The following ADCY3 variants were observed in gnomAD, a reference collection of about 807,000 sequenced individuals.
ADCY3 encodes adenylate cyclase type 3.
A neutral mutation model predicts 119.4 loss-of-function variants in ADCY3; 70 were observed. The observed-to-expected ratio is 0.59, with a 90% confidence interval of 0.48 to 0.72. The LOEUF (loss-of-function observed/expected upper bound fraction) is 0.72, where lower values mean the gene tolerates loss of function less well. Ranked by LOEUF, ADCY3 falls within the 30% of genes least tolerant of loss-of-function variation. The pLI, the probability that ADCY3 is intolerant of heterozygous loss-of-function variation, is 0.00. For synonymous variants in ADCY3, 672 were observed against 621.4 expected (o/e 1.08, Z -1.21); for missense variants, 1,238 against 1,541.6 (o/e 0.80, Z 3.30).
intron 2 of ADCY3, among the ~76,000 whole-genome samples, chr2:24,889,421 C>T (rs1404152547): frequency 6.6e-6 from 1 of 152,200 alleles, no homozygotes; most frequent in Non-Finnish European, 1.5e-5. Context: ...GGGCATCACA[C>T]ACAAATATGC....
chr2:24,902,808 T>C (rs2149001155), intron 2 of ADCY3, among the ~76,000 whole-genome samples: 1 of 152,174 alleles, frequency 6.6e-6, no homozygotes. Context: ...GGTGGGTGGA[T>C]CACCTGAGGG....
Position 24,872,525 on chromosome 2 carries a change from T to C in ADCY3, c.825+45A>G. The C allele has an allele frequency of 6.3e-7, 1 of 1,599,110 alleles. No individual in the cohort carries two copies. On this transcript the variant is annotated intron_variant, in intron 3 of 21. Transcript: ENST00000679454. The surrounding 1 kb of genome is among the most constrained non-coding windows in gnomAD (Gnocchi z 4.4). ...TCCTCTCCCTCTGACAAGGCCACAG[T>C]CCCTGAGCCCAAGCTCCAGGCCCGA...
At chr2:24,838,770 T>A (rs1201838078) in intron 7 of ADCY3, 148 bp from the exon 8 acceptor site, 3 of 1,590,370 alleles carry the variant, frequency 1.9e-6, no homozygotes, top group Non-Finnish European at 2.6e-6. Context: ...GAGGCAGTTC[T>A]GCCACTAACT....
At position 24,918,364 on chromosome 2, in the gene ADCY3, G is replaced by C; in HGVS notation, c.624C>G (p.Thr208=). The change falls in exon 2 of 22, where the codon ACC becomes ACG. Residue 208 remains threonine (T), a synonymous_variant. Coordinates refer to ENST00000679454, the MANE Select transcript of ADCY3 (RefSeq NM_004036.5). The surrounding 1 kb of genome is among the most constrained non-coding windows in gnomAD (Gnocchi z 5.4). ...CVVHTLVLGV[T]VAQQQQEELK... ...GCTCCTCCTGCTGCTGCTGGGCCAC[G>C]GTGACCCCCAGGACCAACGTGTGCA... 1.2e-6 allele frequency: 2 copies of C among 1,604,162 alleles called. No homozygotes were observed. Among genetic ancestry groups the C allele is most frequent in the South Asian group, 2.2e-5 (2 of 90,214 alleles).
At position 24,884,638 on chromosome 2, in the gene ADCY3, G is replaced by A. The variant is rs143037700; in HGVS notation, c.676-11919C>T. ...TTTACAGGTGCCCGCCACCACGCCC[G>A]GCTAATTTTTGTATTTTTAGTAGAG... On this transcript the variant is annotated intron_variant, in intron 2 of 21. Transcript: ENST00000679454. Among the ~76,000 whole-genome samples, 543 of 151,864 alleles carry A rather than the reference G, an allele frequency of 3.6e-3. 1 individual carries two copies. The highest frequency in any genetic ancestry group is 0.011 in the African/African-American group (464 of 41,430).
chr2:24,833,438 T>C (rs1415290575), intron 11 of ADCY3, among the ~76,000 whole-genome samples: 2 of 152,170 alleles, frequency 1.3e-5, no homozygotes, highest in African/African-American at 4.8e-5. Context: ...TGAAATATTA[T>C]CCTGCCAGCA....
intron 2 of ADCY3, among the ~76,000 whole-genome samples, chr2:24,914,474 G>A (rs1275392951): frequency 7.9e-5 from 12 of 152,148 alleles, no homozygotes; most frequent in African/African-American, 2.6e-4. Flanking sequence ...GGAGTTCGAG[G>A]CCAGCCTGGC....
chr2:24,824,620 G>T, intron 16 of ADCY3, 84 bp from the exon 17 acceptor site: 1 of 1,478,582 alleles, frequency 6.8e-7, no homozygotes, highest in Non-Finnish European at 9.3e-7. Flanking sequence ...CAGGCGTGGC[G>T]GTTCATGCCT....
At chr2:24,838,033 T>G (rs957653290) in intron 8 of ADCY3, among the ~76,000 whole-genome samples, 2 of 150,844 alleles carry the variant, frequency 1.3e-5, no homozygotes, top group Admixed American at 1.3e-4. Context: ...CTGGCCTTGG[T>G]CCTCCTCCCC....
Position 24,826,100 on chromosome 2 carries a change from G to C in ADCY3, c.2522C>G (p.Ser841Cys). The C allele has an allele frequency of 6.2e-7, 1 of 1,614,104 alleles. No homozygotes were observed. The highest frequency in any genetic ancestry group is 8.5e-7 in the Non-Finnish European group (1 of 1,180,020). The change falls in exon 16 of 22, where the codon TCT (serine) becomes TGT (cysteine). Residue 841 changes from serine (S) to cysteine (C), a missense_variant. This residue lies in a region of ADCY3 where 499 missense variants were observed against 571.0 expected (regional missense o/e 0.87). Transcript: ENST00000679454. ...CATGAGGAACACCATCACCGTCATAGAGTACTTGGAAGGCACCAGGGGCAG... is the reference window on the plus strand; with the variant it reads ...CATGAGGAACACCATCACCGTCATACAGTACTTGGAAGGCACCAGGGGCAG... ...DRLPLVPSKY[S>C]MTVMVFLMML... is the part of the protein sequence containing the mutation.
chr2:24,822,575 G>A lies in ADCY3; in HGVS notation c.2939C>T (p.Thr980Met), dbSNP rs377745631. 4 of 1,613,964 alleles carry A rather than the reference G, an allele frequency of 2.5e-6. No individual in the cohort carries two copies. Among genetic ancestry groups the A allele is most frequent in the African/African-American group, 1.3e-5 (1 of 74,896 alleles). Reference sequence around the variant, plus strand: ...GGTGACTCCTGAAGCCGCCATATACGTGCTGCCAATGGTTTTGATCTTGGT... The same window carrying A: ...GGTGACTCCTGAAGCCGCCATATACATGCTGCCAATGGTTTTGATCTTGGT... ...VITKIKTIGS[T>M]YMAASGVTPD... The change falls in exon 19 of 22, where the codon ACG (threonine) becomes ATG (methionine). Residue 980 changes from threonine to methionine, a missense_variant. By Grantham distance (81) the Thr-to-Met change is moderately conservative. Coordinates refer to ENST00000679454, the MANE Select transcript of ADCY3 (RefSeq NM_004036.5).
chr2:24,879,787 C>A (rs972370840), intron 2 of ADCY3, among the ~76,000 whole-genome samples: 1 of 152,166 alleles, frequency 6.6e-6, no homozygotes, highest in Non-Finnish European at 1.5e-5. Flanking sequence ...TCCCTCAATA[C>A]GATCACCTTA....
chr2:24,820,290 A>C, intron 21 of ADCY3, 176 bp from the exon 22 acceptor site: 9 of 1,283,518 alleles, frequency 7.0e-6, no homozygotes, highest in Non-Finnish European at 9.1e-6. Flanking sequence ...GCGGGTGGGA[A>C]GGAGAACCCT....
At chr2:24,821,389 G>C in intron 20 of ADCY3, 128 bp downstream of exon 20, 3 of 1,367,976 alleles carry the variant, frequency 2.2e-6, no homozygotes, top group Non-Finnish European at 3.0e-6. Context: ...TCCTTGCCCT[G>C]TGAGTGCGTG....
chr2:24,839,565 GCCCC>G (rs1432064871), intron 7 of ADCY3, among the ~76,000 whole-genome samples: 2 of 152,188 alleles, frequency 1.3e-5, no homozygotes, highest in African/African-American at 4.8e-5. Context: ...AGCTGGGGCA[GCCCC>G]CTTAGTGGGT....
chr2:24,820,486 C>T (rs1335179681), intron 21 of ADCY3: 2 of 1,397,192 alleles, frequency 1.4e-6, no homozygotes, highest in East Asian at 2.7e-5. Context: ...AAGGTTCATA[C>T]CCAAAGGTAG....
chr2:24,859,237 C>T (rs955358630), intron 3 of ADCY3, among the ~76,000 whole-genome samples: 18 of 152,186 alleles, frequency 1.2e-4, no homozygotes, highest in Middle Eastern at 3.2e-3. Flanking sequence ...TTACATTAGA[C>T]GCGGAGAATG....
Position 24,842,394 on chromosome 2 carries a change from G to A in ADCY3, c.826-10C>T, listed in dbSNP as rs1558439965. 1.9e-6 allele frequency: 3 copies of A among 1,614,072 alleles called. No homozygotes were observed. Among genetic ancestry groups the A allele is most frequent in the Non-Finnish European group, 1.7e-6 (2 of 1,179,978 alleles). ...AAAGCATGAGGTTCTCCTGTGAGGGGCAGGAGAGGGTCAGAGGCAAAGGTA... is the reference window on the plus strand; with the variant it reads ...AAAGCATGAGGTTCTCCTGTGAGGGACAGGAGAGGGTCAGAGGCAAAGGTA... On this transcript the variant is annotated splice_polypyrimidine_tract_variant and intron_variant, in intron 3 of 21. Coordinates refer to ENST00000679454, the MANE Select transcript of ADCY3 (RefSeq NM_004036.5). The surrounding 1 kb of genome is among the most constrained non-coding windows in gnomAD (Gnocchi z 4.9).
chr2:24,918,913 G>C lies in ADCY3; in HGVS notation c.75C>G (p.Pro25=). 6.2e-7 allele frequency: 1 copy of C among 1,612,602 alleles called. No individual in the cohort carries two copies. The highest frequency in any genetic ancestry group is 8.5e-7 in the Non-Finnish European group (1 of 1,179,976). ...EYSAEYSVSL[P]SDPDRGVGRT... ...GGCCCACCCCGCGGTCAGGGTCGGA[G>C]GGCAGGCTGACGGAGTACTCGGCTG... Residue 25 remains proline, a synonymous_variant, in exon 2 of 22, where the codon CCC becomes CCG. Coordinates refer to ENST00000679454, the MANE Select transcript of ADCY3 (RefSeq NM_004036.5). The surrounding 1 kb of genome is among the most constrained non-coding windows in gnomAD (Gnocchi z 5.4).
Sources: allele counts gnomAD v4.1 joint callset (sites outside exome capture counted in the v4.1 genomes callset), GRCh38; gene constraint gnomAD v4.1.1; regional missense constraint gnomAD v4.1.1; non-coding constraint Gnocchi (gnomAD v3.1); transcripts MANE v1.5; gene names NCBI Gene and HGNC (gene_info 2026-07-23, HGNC 2026-07-21).